PRR14L: variants seen among roughly 807,000 people sequenced by gnomAD.
PRR14L encodes proline rich 14 like, also known as protein PRR14L.
In PRR14L, 80 loss-of-function variants were observed where a neutral mutation model predicts 155.0. That is an observed-to-expected ratio of 0.52 (90% confidence interval 0.43 to 0.62). The LOEUF is 0.62. Among genes scored for constraint, PRR14L ranks in the 20% least tolerant of loss-of-function variants. PRR14L has a pLI of 0.00. For synonymous variants in PRR14L, 883 were observed against 916.0 expected (o/e 0.96, Z 0.65); for missense variants, 2,469 against 2,548.0 (o/e 0.97, Z 0.67).
chr22:31,689,066 G>A (rs1330915195), intron 7 of PRR14L, among the ~76,000 whole-genome samples: 4 of 152,116 alleles, frequency 2.6e-5, no homozygotes, highest in African/African-American at 9.7e-5. Context: ...TCCAAAGATG[G>A]CCAATGGTTT....
intron 3 of PRR14L, among the ~76,000 whole-genome samples, chr22:31,724,874 A>G (rs935939340): frequency 2.0e-5 from 3 of 152,104 alleles, no homozygotes; most frequent in Non-Finnish European, 4.4e-5. Flanking sequence ...ATACCCAACC[A>G]TTGTTTTGAG....
chr22:31,711,610 C>G (rs528167001), intron 4 of PRR14L, among the ~76,000 whole-genome samples: 29 of 151,484 alleles, frequency 1.9e-4, no homozygotes, highest in Admixed American at 5.9e-4. Context: ...GAGAAACCCC[C>G]GTCTCTACTA....
intron 2 of PRR14L, among the ~76,000 whole-genome samples, chr22:31,729,197 A>C (rs2074734401): frequency 6.6e-6 from 1 of 152,154 alleles, no homozygotes; most frequent in African/African-American, 2.4e-5. Flanking sequence ...TCCCAAAATT[A>C]TTAGTTGCAA....
chr22:31,717,560 T>C (rs951152508), intron 3 of PRR14L, among the ~76,000 whole-genome samples: 4 of 152,184 alleles, frequency 2.6e-5, no homozygotes, highest in African/African-American at 7.2e-5. Flanking sequence ...GCTGGACAAC[T>C]GAATACAACA....
At position 31,725,625 on chromosome 22, in the gene PRR14L, T is replaced by C; in HGVS notation, c.475-15A>G. 1 of 1,514,036 alleles carries C rather than the reference T, an allele frequency of 6.6e-7. No individual in the cohort carries two copies. Among genetic ancestry groups the C allele is most frequent in the South Asian group, 1.2e-5 (1 of 83,222 alleles). The allele number at this position is 1,514,036 out of a possible 1,614,324, so 93.8% of individuals were successfully genotyped here. ...AGGAGATCCTCCTACAGTAAGAAAA[T>C]CCAGTGGTCAAGGGGGATTCAGAAG... On this transcript the variant is annotated splice_polypyrimidine_tract_variant and intron_variant, in intron 2 of 8. Transcript: ENST00000327423.
intron 7 of PRR14L, among the ~76,000 whole-genome samples, chr22:31,693,059 T>A (rs1199914296): frequency 6.6e-6 from 1 of 152,060 alleles, no homozygotes; most frequent in African/African-American, 2.4e-5. Context: ...CCTTCCAGAG[T>A]GTACAACTGT....
chr22:31,688,409 C>A (rs930023728), intron 7 of PRR14L, among the ~76,000 whole-genome samples, 182 bp from the exon 8 acceptor site: 16 of 151,482 alleles, frequency 1.1e-4, no homozygotes, highest in Non-Finnish European at 2.2e-4. Flanking sequence ...TGTGTGCCAC[C>A]ATGCCAGGCT....
chr22:31,745,917 C>T (rs1004687835), intron 1 of PRR14L, among the ~76,000 whole-genome samples: 1 of 150,330 alleles, frequency 6.7e-6, no homozygotes, highest in Non-Finnish European at 1.5e-5. Flanking sequence ...AATAGGATCA[C>T]CAATGACTTA....
At chr22:31,706,565 A>G (rs1209666636) in intron 4 of PRR14L, among the ~76,000 whole-genome samples, 2 of 151,770 alleles carry the variant, frequency 1.3e-5, no homozygotes, top group Non-Finnish European at 2.9e-5. Flanking sequence ...CTGGGACTAC[A>G]GCCACCTGCC....
chr22:31,703,883 T>C (rs1018479193), intron 5 of PRR14L, among the ~76,000 whole-genome samples, 162 bp from the exon 6 acceptor site: 4 of 151,656 alleles, frequency 2.6e-5, no homozygotes, highest in African/African-American at 9.7e-5. Context: ...ATGCAGCCTC[T>C]GCCTCCCGGG....
At chr22:31,739,803 A>C (rs568425856) in intron 1 of PRR14L, among the ~76,000 whole-genome samples, 1 of 152,200 alleles carries the variant, frequency 6.6e-6, no homozygotes, top group East Asian at 1.9e-4. Context: ...TGAAACACTT[A>C]TATCTATGCA....
Position 31,736,243 on chromosome 22 carries a change from G to A in PRR14L, c.474+2144C>T, listed in dbSNP as rs1295577211. ...CAAAAAAAAAAAAAAAAAATTAGCC[G>A]GGTGTGGAGGCACATGCCTGTAATC... On this transcript the variant is annotated intron_variant, in intron 2 of 8. Transcript: ENST00000327423. Among the ~76,000 whole-genome samples the A allele has an allele frequency of 2.0e-5, 3 of 147,988 alleles. No homozygotes were observed. The East Asian group carries it at 5.9e-4, about 29-fold the overall frequency.
intron 4 of PRR14L, among the ~76,000 whole-genome samples, chr22:31,710,503 A>G (rs1422893959): frequency 6.6e-6 from 1 of 150,712 alleles, no homozygotes; most frequent in Non-Finnish European, 1.5e-5. Context: ...CCCAGGCTGG[A>G]GTGCCGTGGC....
intron 7 of PRR14L, among the ~76,000 whole-genome samples, chr22:31,696,295 C>T (rs1419149178): frequency 6.6e-6 from 1 of 151,984 alleles, no homozygotes; most frequent in African/African-American, 2.4e-5. Flanking sequence ...GTGTACGCCA[C>T]CACACCCAGC....
rs978294052 is a variant in PRR14L at position 31,738,902 on chromosome 22, A to C, written c.-42T>G. 6 of 1,310,372 alleles carry C rather than the reference A, an allele frequency of 4.6e-6. No individual in the cohort carries two copies. The African/African-American group carries it at 8.8e-5, about 19-fold the overall frequency. 81.2% of individuals were successfully genotyped at this position (1,310,372 alleles called of 1,614,324 possible). A position where few individuals can be genotyped will look rare whatever the true frequency, so the allele number is the denominator to read the frequency against. ...TATGGAGTCAAGTCTTTTACATCAA[A>C]TGATTCACCCTGACACAAATCACAG... On this transcript the variant is annotated 5_prime_UTR_variant, in exon 2 of 9. Transcript: ENST00000327423.
intron 8 of PRR14L, among the ~76,000 whole-genome samples, chr22:31,686,671 T>G (rs2074484011): frequency 1.3e-5 from 2 of 152,078 alleles, no homozygotes; most frequent in Admixed American, 1.3e-4. Context: ...AGGGCTCCAG[T>G]GATCCTCCCT....
intron 2 of PRR14L, among the ~76,000 whole-genome samples, chr22:31,729,060 T>G (rs934953652): frequency 1.3e-5 from 2 of 152,152 alleles, no homozygotes; most frequent in Non-Finnish European, 2.9e-5. Context: ...ATTTTGACCT[T>G]CCTCCTACAA....
chr22:31,703,864 C>T (rs2074575913), intron 5 of PRR14L, 143 bp from the exon 6 acceptor site: 2 of 519,936 alleles, frequency 3.8e-6, no homozygotes, highest in African/African-American at 2.0e-5. Flanking sequence ...ATGGTACGAT[C>T]TCGGCTCAAT....
intron 2 of PRR14L, among the ~76,000 whole-genome samples, chr22:31,729,504 A>T (rs2074736296): frequency 6.6e-6 from 1 of 152,224 alleles, no homozygotes; most frequent in African/African-American, 2.4e-5. Flanking sequence ...GGCGTGAGCC[A>T]CCACGCCCGG....
Sources: gnomAD v4.1 joint callset for allele counts (sites outside exome capture counted in the v4.1 genomes callset) on GRCh38, gnomAD v4.1.1 for gene constraint, MANE v1.5 for transcripts, NCBI Gene and HGNC (gene_info 2026-07-23, HGNC 2026-07-21) for gene names.